The following EXT1 variants were observed in gnomAD, a reference collection of about 807,000 sequenced individuals.
EXT1 encodes exostosin-1.
A neutral mutation model predicts 82.5 loss-of-function variants in EXT1; 20 were observed. The ratio of observed to expected loss-of-function variants is 0.24; its 90% CI spans 0.17 to 0.35. The LOEUF (loss-of-function observed/expected upper bound fraction) is 0.35. Among genes scored for constraint, EXT1 ranks in the 10% least tolerant of loss-of-function variants. The pLI is 1.00. For missense variants in EXT1, 757 were observed against 936.5 expected (o/e 0.81, Z 2.50); for synonymous variants, 348 against 350.8 (o/e 0.99, Z 0.09).
chr8:118,074,935 G>C (rs1401763905), intron 1 of EXT1, among the ~76,000 whole-genome samples: 1 of 152,134 alleles, frequency 6.6e-6, no homozygotes, highest in African/African-American at 2.4e-5. Context: ...GGAGAGGAGA[G>C]CCGGCTGTGG....
Position 118,087,687 on chromosome 8 carries a change from ATTT to A in EXT1, c.962+22395_962+22397del, listed in dbSNP as rs540515744. On this transcript the variant is annotated intron_variant, in intron 1 of 10. Transcript: ENST00000378204. ...AAACTTTTACTACAACAGAAAAAAA[ATTT>A]TTTAATAAAAGATAAGTTTGATTCA... Among the ~76,000 whole-genome samples, 212 of 152,246 alleles carry A rather than the reference ATTT, an allele frequency of 1.4e-3. 2 individuals carry two copies. The highest frequency in any genetic ancestry group is 2.7e-3 in the Non-Finnish European group (181 of 68,014).
At chr8:118,025,117 C>A (rs907637628) in intron 1 of EXT1, among the ~76,000 whole-genome samples, 4 of 152,142 alleles carry the variant, frequency 2.6e-5, no homozygotes, top group African/African-American at 9.7e-5. Context: ...AATTCCCTGT[C>A]ACTGTACTGG....
intron 1 of EXT1, among the ~76,000 whole-genome samples, chr8:118,098,619 C>G (rs937090135): frequency 5.3e-5 from 8 of 151,930 alleles, no homozygotes; most frequent in African/African-American, 9.7e-5. Context: ...ATTAGTCGGG[C>G]ATGGTGGCGG....
intron 7 of EXT1, among the ~76,000 whole-genome samples, chr8:117,816,683 G>GA (rs1422590753): frequency 6.6e-6 from 1 of 152,088 alleles, no homozygotes; most frequent in Non-Finnish European, 1.5e-5. Flanking sequence ...ATTTTATAAA[G>GA]AAAGAAACGG....
chr8:117,828,018 CAT>C (rs1303106069), intron 4 of EXT1, among the ~76,000 whole-genome samples: 1 of 151,568 alleles, frequency 6.6e-6, no homozygotes, highest in Non-Finnish European at 1.5e-5. Context: ...AATGGAATAT[CAT>C]ATAGTCATTA....
chr8:118,019,738 T>C (rs1423808002), intron 1 of EXT1, among the ~76,000 whole-genome samples: 1 of 152,282 alleles, frequency 6.6e-6, no homozygotes, highest in Non-Finnish European at 1.5e-5. Context: ...ATTGTCAACA[T>C]CCCCTTTTTA....
intron 1 of EXT1, among the ~76,000 whole-genome samples, chr8:118,083,960 C>T (rs1430172695): frequency 1.3e-5 from 2 of 152,116 alleles, no homozygotes; most frequent in Non-Finnish European, 2.9e-5. Context: ...ACCCGGGAGG[C>T]AGAGGCTGTA....
At chr8:118,001,476 C>T (rs1012172965) in intron 1 of EXT1, among the ~76,000 whole-genome samples, 1 of 151,952 alleles carries the variant, frequency 6.6e-6, no homozygotes, top group Non-Finnish European at 1.5e-5. Flanking sequence ...TGAGTCACCG[C>T]GCCCGGCCTC....
chr8:117,885,494 C>CAAAAAAAAAAAAAAAAAAAAAA (rs11300586), intron 1 of EXT1, among the ~76,000 whole-genome samples: 7 of 103,418 alleles, frequency 6.8e-5, no homozygotes, highest in Non-Finnish European at 7.7e-5. Context: ...AAGTAACAGA[C>CAAAAAAAAAAAAAAAAAAAAAA]AAAAAAAAAA....
chr8:117,970,447 TG>T (rs1405997662), intron 1 of EXT1, among the ~76,000 whole-genome samples: 1 of 151,996 alleles, frequency 6.6e-6, no homozygotes, highest in African/African-American at 2.4e-5. Context: ...GGATTACAGG[TG>T]TGTACCACCA....
At chr8:117,814,234 G>GGTGT (rs57727618) in intron 7 of EXT1, among the ~76,000 whole-genome samples, 171 of 146,816 alleles carry the variant, frequency 1.2e-3, no homozygotes, top group African/African-American at 1.9e-3. Context: ...CACACACAGT[G>GGTGT]GTGTGTGTGT....
intron 1 of EXT1, among the ~76,000 whole-genome samples, chr8:118,062,140 G>C (rs1052118700): frequency 6.6e-6 from 1 of 152,108 alleles, no homozygotes; most frequent in African/African-American, 2.4e-5. Context: ...CGTGTTCCAT[G>C]ACTTCCAGCT....
intron 1 of EXT1, among the ~76,000 whole-genome samples, chr8:117,941,805 A>T (rs1814277671): frequency 6.6e-6 from 1 of 152,172 alleles, no homozygotes; most frequent in Non-Finnish European, 1.5e-5. Flanking sequence ...AGAAATCACA[A>T]CTTCAAGCCT....
intron 1 of EXT1, among the ~76,000 whole-genome samples, chr8:117,986,451 G>T (rs955448475): frequency 6.6e-6 from 1 of 152,012 alleles, no homozygotes; most frequent in Non-Finnish European, 1.5e-5. Context: ...CCCGCCTCAG[G>T]CTCCCAAAGT....
rs17430378 is a variant in EXT1, at chr8:117,854,463, T to C, written c.963-17262A>G. On this transcript the variant is annotated intron_variant, in intron 1 of 10. Transcript: ENST00000378204. ...GGGGGAGAAAACACACACACACACATACACACACACACCATATATATATTT... is the reference window on the plus strand; with the variant it reads ...GGGGGAGAAAACACACACACACACACACACACACACACCATATATATATTT... Among the ~76,000 whole-genome samples, 1,146 of 151,696 alleles carry C rather than the reference T, an allele frequency of 7.6e-3. 3 individuals carry two copies. Among genetic ancestry groups the C allele is most frequent in the Non-Finnish European group, 0.012 (781 of 67,838 alleles).
chr8:117,840,652 C>T (rs780413915), intron 1 of EXT1, among the ~76,000 whole-genome samples: 64 of 151,490 alleles, frequency 4.2e-4, no homozygotes, highest in Non-Finnish European at 7.1e-4. Context: ...AACGTATTTG[C>T]CAATCATATA....
chr8:117,871,008 G>A (rs1031324613), intron 1 of EXT1, among the ~76,000 whole-genome samples: 5 of 152,254 alleles, frequency 3.3e-5, no homozygotes, highest in South Asian at 2.1e-4. Context: ...ATCTCTAGCC[G>A]ATGTAACTGG....
chr8:117,953,231 T>C (rs56950572), intron 1 of EXT1, among the ~76,000 whole-genome samples: 1 of 145,938 alleles, frequency 6.9e-6, no homozygotes, highest in African/African-American at 2.6e-5. Flanking sequence ...TAGATATACA[T>C]ATATATACAT....
chr8:118,071,535 GGT>G (rs1479665281), intron 1 of EXT1, among the ~76,000 whole-genome samples: 1 of 151,616 alleles, frequency 6.6e-6, no homozygotes, highest in African/African-American at 2.4e-5. Context: ...GGGGGGCAGG[GGT>G]GGGGGAGGAG....
Sources: allele counts gnomAD v4.1 joint callset (sites outside exome capture counted in the v4.1 genomes callset), GRCh38; gene constraint gnomAD v4.1.1; transcripts MANE v1.5; gene names NCBI Gene and HGNC (gene_info 2026-07-23, HGNC 2026-07-21).